Variants in CDKAL1 observed in about 807,000 individuals in gnomAD.
CDKAL1 encodes threonylcarbamoyladenosine tRNA methylthiotransferase.
CDKAL1 carries 32 observed loss-of-function variants against 68.2 expected under a neutral mutation model. The observed-to-expected ratio is 0.47, with a 90% CI of 0.35 to 0.63. The LOEUF is 0.63. Among genes scored for constraint, CDKAL1 ranks in the 30% least tolerant of loss-of-function variants. The pLI, the probability that CDKAL1 is intolerant of heterozygous loss-of-function variation, is 0.00. For missense variants in CDKAL1, 606 were observed against 696.7 expected (o/e 0.87, Z 1.47); for synonymous variants, 234 against 244.3 (o/e 0.96, Z 0.39).
chr6:21,225,554 G>A (rs958243628), intron 15 of CDKAL1, among the ~76,000 whole-genome samples: 13 of 152,104 alleles, frequency 8.5e-5, no homozygotes, highest in African/African-American at 2.9e-4. Flanking sequence ...CACTCTGCCC[G>A]GCTGTGGGCA....
At chr6:20,844,622 G>A (rs1778302484) in intron 8 of CDKAL1, among the ~76,000 whole-genome samples, 6 of 151,862 alleles carry the variant, frequency 4.0e-5, no homozygotes. Flanking sequence ...GGCCGAGAGG[G>A]GAGGGTCGCT....
intron 8 of CDKAL1, among the ~76,000 whole-genome samples, chr6:20,837,697 GAAAT>G (rs1778003944): frequency 1.3e-5 from 2 of 151,694 alleles, no homozygotes; most frequent in African/African-American, 4.8e-5. Context: ...TTAATCTGCA[GAAAT>G]AAATATTTCT....
At chr6:20,769,111 C>T (rs556631228) in intron 7 of CDKAL1, among the ~76,000 whole-genome samples, 4 of 152,246 alleles carry the variant, frequency 2.6e-5, no homozygotes, top group South Asian at 2.1e-4. Context: ...GGACCATGTA[C>T]GGTTCCAGGT....
rs1302258376 is a variant in CDKAL1, at chr6:20,558,519, T to C, written c.286+9814T>C. 8.8e-6 allele frequency: 4 copies of C among 456,718 alleles called. No individual in the cohort carries two copies. The Admixed American group carries it at 9.4e-5, about 11-fold the overall frequency. The allele number at this position is 456,718 out of a possible 1,614,324, so 28.3% of individuals were successfully genotyped here. On this transcript the variant is annotated intron_variant, in intron 4 of 15. Transcript: ENST00000274695. ...AAGTGCATGAACTAGACAGACTCTT[T>C]TTGACCAGACCTTGTGTTATAGGTG...
At position 20,616,809 on chromosome 6, in the gene CDKAL1, C is replaced by T. The variant is rs182149878; in HGVS notation, c.287-32484C>T. Reference sequence around the variant, plus strand: ...ATTTAGCCCAGGAGTTCGAGACCAGCCTGGACAGCATGGCGAAACCCCGAC... The same window carrying T: ...ATTTAGCCCAGGAGTTCGAGACCAGTCTGGACAGCATGGCGAAACCCCGAC... On this transcript the variant is annotated intron_variant, in intron 4 of 15. Coordinates refer to ENST00000274695, the MANE Select transcript of CDKAL1 (RefSeq NM_017774.3). Among the ~76,000 whole-genome samples, 607 of 148,990 alleles carry T rather than the reference C, an allele frequency of 4.1e-3. 3 individuals are homozygous for T. The highest frequency in any genetic ancestry group is 6.5e-3 in the Non-Finnish European group (439 of 67,470).
chr6:20,770,608 T>A (rs1033081805), intron 7 of CDKAL1, among the ~76,000 whole-genome samples: 1 of 152,218 alleles, frequency 6.6e-6, no homozygotes, highest in Non-Finnish European at 1.5e-5. Context: ...GTTTGATTAG[T>A]CTTTTGACTA....
chr6:20,558,269 A>G (rs1008179695), intron 4 of CDKAL1, among the ~76,000 whole-genome samples: 1 of 152,318 alleles, frequency 6.6e-6, no homozygotes, highest in Non-Finnish European at 1.5e-5. Flanking sequence ...TATTCTTTCT[A>G]TCAGCTCTCT....
At chr6:20,574,527 C>T (rs545268735) in intron 4 of CDKAL1, among the ~76,000 whole-genome samples, 15 of 152,148 alleles carry the variant, frequency 9.9e-5, no homozygotes, top group Non-Finnish European at 1.5e-5. Context: ...AAAATATGTG[C>T]ATGATTACAT....
chr6:20,944,303 G>T (rs1049300811), intron 9 of CDKAL1, among the ~76,000 whole-genome samples: 1 of 152,188 alleles, frequency 6.6e-6, no homozygotes, highest in Non-Finnish European at 1.5e-5. Context: ...CAGTAGTAGG[G>T]TAATTTCTAT....
intron 4 of CDKAL1, among the ~76,000 whole-genome samples, chr6:20,596,697 C>T (rs552798855): frequency 9.9e-5 from 15 of 152,274 alleles, no homozygotes; most frequent in East Asian, 5.8e-4. Context: ...GCATTCTAGG[C>T]GCCACTAGGG....
intron 9 of CDKAL1, among the ~76,000 whole-genome samples, chr6:20,947,484 G>A (rs192540819): frequency 6.6e-6 from 1 of 152,094 alleles, no homozygotes; most frequent in East Asian, 1.9e-4. Context: ...CCAGCTACCT[G>A]GGAGGCTGAG....
rs775188137 is a variant in CDKAL1, at chr6:20,867,446, G to A, written c.742+21268G>A. Reference sequence around the variant, plus strand: ...CACCAGCATGAGTCATTTTGTGAATGTTCAAAAAACACGATTTATGTTTGA... The same window carrying A: ...CACCAGCATGAGTCATTTTGTGAATATTCAAAAAACACGATTTATGTTTGA... On this transcript the variant is annotated intron_variant, in intron 9 of 15. Coordinates refer to ENST00000274695, the MANE Select transcript of CDKAL1 (RefSeq NM_017774.3). Among the ~76,000 whole-genome samples the A allele has an allele frequency of 1.5e-3, 222 of 152,304 alleles. 2 individuals carry two copies. The highest frequency in any genetic ancestry group is 3.4e-3 in the Middle Eastern group (1 of 294).
intron 13 of CDKAL1, among the ~76,000 whole-genome samples, chr6:21,182,704 G>T (rs1256781707): frequency 2.0e-5 from 3 of 152,172 alleles, no homozygotes; most frequent in Non-Finnish European, 4.4e-5. Context: ...CAGTTAAAAT[G>T]CATAGTCACT....
At chr6:21,125,013 G>GT (rs1435885083) in intron 13 of CDKAL1, among the ~76,000 whole-genome samples, 1 of 151,922 alleles carries the variant, frequency 6.6e-6, no homozygotes, top group Non-Finnish European at 1.5e-5. Context: ...CTCATAAGTT[G>GT]TTTTTTGTTT....
At chr6:20,654,632 A>G (rs1049905707) in intron 5 of CDKAL1, among the ~76,000 whole-genome samples, 1 of 152,098 alleles carries the variant, frequency 6.6e-6, no homozygotes, top group African/African-American at 2.4e-5. Context: ...ATTTTTTATT[A>G]TGGTATCAGA....
intron 4 of CDKAL1, among the ~76,000 whole-genome samples, chr6:20,592,127 G>A (rs71563969): frequency 0.069 from 10,445 of 152,122 alleles, 516 homozygotes; most frequent in African/African-American, 0.13. Context: ...TATTCTCCTT[G>A]TAGCAATTGT....
chr6:20,769,882 C>A (rs565168406), intron 7 of CDKAL1, among the ~76,000 whole-genome samples: 5 of 152,166 alleles, frequency 3.3e-5, no homozygotes, highest in African/African-American at 1.2e-4. Context: ...ACCTAGTCCC[C>A]TTGTTCCACA....
intron 13 of CDKAL1, among the ~76,000 whole-genome samples, chr6:21,155,062 T>G (rs767791276): frequency 2.0e-4 from 30 of 152,060 alleles, no homozygotes; most frequent in Non-Finnish European, 4.1e-4. Flanking sequence ...TTTGATTGCT[T>G]TTATTTAAAA....
intron 9 of CDKAL1, among the ~76,000 whole-genome samples, chr6:20,943,269 C>A (rs575900849): frequency 7.5e-6 from 1 of 134,010 alleles, no homozygotes; most frequent in East Asian, 2.2e-4. Context: ...TTCTTGTATA[C>A]AATATTGCTT....
Sources: allele counts gnomAD v4.1 joint callset (sites outside exome capture counted in the v4.1 genomes callset), GRCh38; gene constraint gnomAD v4.1.1; transcripts MANE v1.5; gene names NCBI Gene and HGNC (gene_info 2026-07-23, HGNC 2026-07-21).